CTNNA3: variants seen among roughly 807,000 people sequenced by gnomAD.
The protein encoded by CTNNA3 is catenin alpha 3, also known as catenin alpha-3.
A neutral mutation model predicts 95.7 loss-of-function variants in CTNNA3; 76 were observed. That is an observed-to-expected ratio of 0.79 (90% confidence interval 0.66 to 0.96). The LOEUF is 0.96. Ranked by LOEUF, CTNNA3 falls within the 40% of genes least tolerant of loss-of-function variation. The probability of loss-of-function intolerance (pLI) is 0.00; values close to 1 mark genes in which losing one functional copy is unlikely to be tolerated. For synonymous variants in CTNNA3, 431 were observed against 374.4 expected (o/e 1.15, Z -1.74); for missense variants, 1,191 against 1,089.8 (o/e 1.09, Z -1.31).
intron 9 of CTNNA3, among the ~76,000 whole-genome samples, chr10:66,687,468 C>T (rs1341653974): frequency 6.6e-6 from 1 of 152,002 alleles, no homozygotes; most frequent in Non-Finnish European, 1.5e-5. Context: ...ATATAAGCTC[C>T]ATAACTTTAG....
At chr10:66,656,334 A>G (rs1846072643) in intron 9 of CTNNA3, among the ~76,000 whole-genome samples, 1 of 152,156 alleles carries the variant, frequency 6.6e-6, no homozygotes, top group Non-Finnish European at 1.5e-5. Context: ...AGAGTTTTAC[A>G]TTATGTTTCT....
intron 7 of CTNNA3, among the ~76,000 whole-genome samples, chr10:66,964,814 T>C (rs1011771578): frequency 4.6e-5 from 7 of 152,068 alleles, no homozygotes; most frequent in African/African-American, 1.7e-4. Context: ...TGCAAACCCA[T>C]CCAGCTTTGC....
At chr10:67,257,601 A>T (rs940567213) in intron 5 of CTNNA3, among the ~76,000 whole-genome samples, 51 of 152,030 alleles carry the variant, frequency 3.4e-4, no homozygotes, top group African/African-American at 1.2e-3. Context: ...CAGTACACTG[A>T]CTCTGCTCCA....
At chr10:66,249,233 AC>A (rs1382298441) in intron 13 of CTNNA3, among the ~76,000 whole-genome samples, 1 of 152,096 alleles carries the variant, frequency 6.6e-6, no homozygotes, top group Non-Finnish European at 1.5e-5. Flanking sequence ...CTTGAGTAGT[AC>A]CCTACAAGCA....
At chr10:67,632,126 C>CCACA (rs71006156) in intron 2 of CTNNA3, among the ~76,000 whole-genome samples, 18,180 of 138,844 alleles carry the variant, frequency 0.13, 1,297 homozygotes, top group African/African-American at 0.18. Context: ...AGTGTCTTAG[C>CCACA]CACACACACA....
intron 10 of CTNNA3, among the ~76,000 whole-genome samples, chr10:66,598,421 C>A (rs1011594256): frequency 6.6e-6 from 1 of 151,834 alleles, no homozygotes; most frequent in African/African-American, 2.4e-5. Flanking sequence ...AGCAATTAGA[C>A]AAAGGAAAGA....
chr10:66,609,865 G>T (rs1251509686), intron 10 of CTNNA3, among the ~76,000 whole-genome samples: 4 of 151,996 alleles, frequency 2.6e-5, no homozygotes, highest in African/African-American at 9.7e-5. Flanking sequence ...CCATCAATTG[G>T]CAGACTGCAT....
At chr10:67,723,945 C>T (rs1426006611) in intron 1 of CTNNA3, among the ~76,000 whole-genome samples, 2 of 152,114 alleles carry the variant, frequency 1.3e-5, no homozygotes, top group Non-Finnish European at 2.9e-5. Flanking sequence ...TAACCCACAA[C>T]CAATGGGGAC....
At chr10:66,568,777 G>A (rs1387369701) in intron 10 of CTNNA3, among the ~76,000 whole-genome samples, 8 of 151,648 alleles carry the variant, frequency 5.3e-5, no homozygotes, top group African/African-American at 1.5e-4. Context: ...TAGCAGAAAC[G>A]CATGGAATCC....
chr10:67,283,373 G>C (rs1347721182), intron 5 of CTNNA3, among the ~76,000 whole-genome samples: 2 of 152,138 alleles, frequency 1.3e-5, no homozygotes, highest in African/African-American at 4.8e-5. Context: ...TGGGTGAGTG[G>C]GCTCAAGCAC....
rs190758121 is a variant in CTNNA3 at position 66,257,080 on chromosome 10, C to T, written c.1884+23390G>A. ...GAGTCCTGCAGAATGGGGACGAGGG[C>T]AATGCCAAGGACAAGCTCTTCTAAC... On this transcript the variant is annotated intron_variant, in intron 13 of 17. Coordinates refer to ENST00000433211, the MANE Select transcript of CTNNA3 (RefSeq NM_013266.4). Among the ~76,000 whole-genome samples the T allele has an allele frequency of 9.5e-4, 144 of 152,250 alleles. 1 individual carries two copies. The highest frequency in any genetic ancestry group is 3.3e-3 in the African/African-American group (136 of 41,544).
intron 1 of CTNNA3, among the ~76,000 whole-genome samples, chr10:67,705,820 C>T (rs993293945): frequency 2.0e-5 from 3 of 151,760 alleles, no homozygotes; most frequent in African/African-American, 7.3e-5. Context: ...GGGCTACATG[C>T]TCTTCCTCTC....
At chr10:66,009,223 C>G (rs1219181090) in intron 15 of CTNNA3, among the ~76,000 whole-genome samples, 1 of 152,154 alleles carries the variant, frequency 6.6e-6, no homozygotes, top group East Asian at 1.9e-4. Context: ...ACCATCATCT[C>G]TACTAAGATT....
chr10:67,289,757 T>TG (rs200487366), intron 5 of CTNNA3, among the ~76,000 whole-genome samples: 8,474 of 139,456 alleles, frequency 0.061, 297 homozygotes, highest in African/African-American at 0.13. Flanking sequence ...GAAGGATGGA[T>TG]GAATGGATGG....
chr10:66,407,588 T>A (rs572668309), intron 11 of CTNNA3, among the ~76,000 whole-genome samples: 3 of 62,058 alleles, frequency 4.8e-5, no homozygotes, highest in Admixed American at 1.7e-4. Context: ...TTTTACATAT[T>A]TTTTTTTTTT....
At chr10:67,061,489 C>G (rs1323078231) in intron 7 of CTNNA3, among the ~76,000 whole-genome samples, 1 of 152,180 alleles carries the variant, frequency 6.6e-6, no homozygotes, top group Non-Finnish European at 1.5e-5. Context: ...TTTGGCTCTT[C>G]TTATCTCTGT....
intron 7 of CTNNA3, among the ~76,000 whole-genome samples, chr10:66,992,881 T>C (rs1001403765): frequency 2.6e-5 from 4 of 152,226 alleles, no homozygotes; most frequent in Admixed American, 2.0e-4. Flanking sequence ...TTTGAGGCTT[T>C]GTATCCTCTT....
intron 12 of CTNNA3, among the ~76,000 whole-genome samples, chr10:66,353,404 C>T (rs1394693848): frequency 6.6e-6 from 1 of 152,064 alleles, no homozygotes; most frequent in Non-Finnish European, 1.5e-5. Flanking sequence ...CTTTCTTAGC[C>T]TGTTGGATGC....
chr10:67,396,957 C>T (rs2132790867), intron 5 of CTNNA3, among the ~76,000 whole-genome samples: 1 of 152,264 alleles, frequency 6.6e-6, no homozygotes, highest in South Asian at 2.1e-4. Flanking sequence ...GAGGCCTCCC[C>T]AGCCATTCTG....
Sources: gnomAD v4.1 joint callset for allele counts (sites outside exome capture counted in the v4.1 genomes callset) on GRCh38, gnomAD v4.1.1 for gene constraint, MANE v1.5 for transcripts, NCBI Gene and HGNC (gene_info 2026-07-23, HGNC 2026-07-21) for gene names.